The following NAV3 variants were observed in gnomAD, a reference collection of about 807,000 sequenced individuals.
NAV3 encodes pore membrane and/or filament interacting like protein 1.
In NAV3, 87 loss-of-function variants were observed where a neutral mutation model predicts 244.7. The ratio of observed to expected loss-of-function variants is 0.36; its 90% CI spans 0.30 to 0.42. The LOEUF (loss-of-function observed/expected upper bound fraction) is 0.42, where lower values mean the gene tolerates loss of function less well. NAV3 is among the 20% of genes least tolerant of loss of function. NAV3 has a pLI of 1.00. For synonymous variants in NAV3, 1,126 were observed against 1,042.2 expected, an observed-to-expected ratio of 1.08 and a Z score of -1.55; for missense variants, 2,663 against 2,893.3, an observed-to-expected ratio of 0.92 and a Z score of 1.83.
chr12:77,681,602 A>ATT (rs1413358959), intron 2 of NAV3, among the ~76,000 whole-genome samples: 1 of 152,162 alleles, frequency 6.6e-6, no homozygotes, highest in African/African-American at 2.4e-5. Context: ...CAGTGTTAAT[A>ATT]ATCAACTGTT....
intron 25 of NAV3, 101 bp from the exon 26 acceptor site, chr12:78,176,338 C>A (rs1159984258): frequency 5.2e-6 from 6 of 1,144,874 alleles, no homozygotes; most frequent in South Asian, 3.2e-5. Context: ...AAAGAAATAT[C>A]TTTTTATCTT....
chr12:77,601,867 T>G (rs975702883), intron 2 of NAV3, among the ~76,000 whole-genome samples: 2 of 152,016 alleles, frequency 1.3e-5, no homozygotes, highest in Non-Finnish European at 1.5e-5. Context: ...GAGAGCTTTT[T>G]CTCAGGTAGA....
chr12:77,767,105 G>A (rs1201235191), intron 2 of NAV3, among the ~76,000 whole-genome samples: 1 of 152,142 alleles, frequency 6.6e-6, no homozygotes, highest in African/African-American at 2.4e-5. Context: ...TGGAAAGTCA[G>A]AGAGTCAGAG....
upstream of NAV3, among the ~76,000 whole-genome samples, chr12:77,828,807 T>C (rs1255833749): frequency 1.3e-5 from 2 of 152,230 alleles, no homozygotes; most frequent in Non-Finnish European, 2.9e-5. Flanking sequence ...AGACATCTTA[T>C]TGAATGTGAA....
rs1955566206 is a variant in NAV3, at chr12:78,119,372, C to T, written c.3176C>T (p.Ser1059Leu). The change falls in exon 15 of 40, where the codon TCG (serine) becomes TTG (leucine). Residue 1059 changes from serine to leucine, a missense_variant. Coordinates refer to ENST00000397909, the MANE Select transcript of NAV3 (RefSeq NM_001024383.2). ...AAGCCCCCCTCAGGCATTGGAAGAT[C>T]GACTGCCACCAGCTCCTTTGGCTTT... ...GKKPPSGIGR[S>L]TATSSFGFKK... The T allele has an allele frequency of 1.2e-6, 2 of 1,614,138 alleles. No individual in the cohort carries two copies. Among genetic ancestry groups the T allele is most frequent in the Non-Finnish European group, 1.7e-6 (2 of 1,180,020 alleles).
chr12:77,921,063 C>T (rs113435566), intron 1 of NAV3, among the ~76,000 whole-genome samples: 1 of 152,000 alleles, frequency 6.6e-6, no homozygotes, highest in African/African-American at 2.4e-5. Flanking sequence ...GCTCATCTGC[C>T]AGTAGAGAAG....
Position 78,177,601 on chromosome 12 carries a change from T to C in NAV3, c.5298-19T>C, listed in dbSNP as rs1593918445. 1 of 1,592,320 alleles carries C rather than the reference T, an allele frequency of 6.3e-7. No individual in the cohort carries two copies. Among genetic ancestry groups the C allele is most frequent in the Non-Finnish European group, 8.5e-7 (1 of 1,174,870 alleles). On this transcript the variant is annotated intron_variant, in intron 27 of 39. Coordinates refer to ENST00000397909, the MANE Select transcript of NAV3 (RefSeq NM_001024383.2). ...ATGGGCATTTGTCCATGTATCTGTC[T>C]AACTGTATGTACATACAGGTCACCC...
intron 21 of NAV3, among the ~76,000 whole-genome samples, chr12:78,148,184 A>G (rs1280925228): frequency 6.6e-6 from 1 of 152,052 alleles, no homozygotes; most frequent in Non-Finnish European, 1.5e-5. Flanking sequence ...TAAGATGTGG[A>G]TAAGCTATAA....
At chr12:77,858,907 T>G (rs775044080) in intron 1 of NAV3, among the ~76,000 whole-genome samples, 2 of 152,066 alleles carry the variant, frequency 1.3e-5, no homozygotes, top group Non-Finnish European at 2.9e-5. Context: ...CCTTAAATAA[T>G]TCTGCTATGA....
At chr12:77,855,444 G>A (rs1245036545) in intron 1 of NAV3, among the ~76,000 whole-genome samples, 1 of 151,840 alleles carries the variant, frequency 6.6e-6, no homozygotes, top group Non-Finnish European at 1.5e-5. Flanking sequence ...ATCCCTAAAG[G>A]GTATCACAAT....
chr12:77,931,706 A>G (rs1199331481), intron 1 of NAV3, among the ~76,000 whole-genome samples: 1 of 152,068 alleles, frequency 6.6e-6, no homozygotes, highest in Non-Finnish European at 1.5e-5. Context: ...CTCTACTAAA[A>G]AATACAAAAA....
At chr12:78,087,912 T>G (rs192987162) in intron 12 of NAV3, among the ~76,000 whole-genome samples, 124 of 151,964 alleles carry the variant, frequency 8.2e-4, no homozygotes, top group African/African-American at 2.8e-3. Flanking sequence ...ACTATTATGT[T>G]TATTGCAAAA....
rs144406143 is a variant in NAV3, at chr12:78,080,783, A to T, written c.2636+21668A>T. Among the ~76,000 whole-genome samples the T allele has an allele frequency of 7.2e-3, 1,095 of 152,326 alleles. 14 individuals are homozygous for T. Among genetic ancestry groups the T allele is most frequent in the African/African-American group, 0.025 (1,034 of 41,568 alleles). ...GCTCTGTTTTGTGGAATAGAATAGT[A>T]TGTGTAGCCTTCCATGCAGAATTAA... is the stretch of plus-strand genomic sequence containing the variant. On this transcript the variant is annotated intron_variant, in intron 12 of 39. Transcript: ENST00000397909.
intron 39 of NAV3, among the ~76,000 whole-genome samples, chr12:78,209,064 A>C (rs1960628003): frequency 6.6e-6 from 1 of 152,176 alleles, no homozygotes; most frequent in Non-Finnish European, 1.5e-5. Context: ...ATCACCTACT[A>C]CTTTTATTTC....
intron 3 of NAV3, among the ~76,000 whole-genome samples, chr12:77,956,037 A>G (rs1007287702): frequency 3.3e-5 from 5 of 152,060 alleles, no homozygotes; most frequent in Non-Finnish European, 7.3e-5. Flanking sequence ...TGAACCAATA[A>G]TTGTTAAATG....
intron 22 of NAV3, among the ~76,000 whole-genome samples, chr12:78,155,194 C>T (rs966906855): frequency 2.0e-5 from 3 of 152,014 alleles, no homozygotes; most frequent in Admixed American, 6.6e-5. Flanking sequence ...CACTGACAGG[C>T]CCTAGTGTGT....
intron 3 of NAV3, among the ~76,000 whole-genome samples, chr12:77,957,561 G>A (rs929771102): frequency 6.6e-6 from 1 of 152,160 alleles, no homozygotes; most frequent in Non-Finnish European, 1.5e-5. Flanking sequence ...AAGGCTGGCT[G>A]TAATAAAACA....
intron 2 of NAV3, among the ~76,000 whole-genome samples, chr12:77,730,541 A>G (rs941129475): frequency 3.3e-5 from 5 of 151,898 alleles, no homozygotes; most frequent in Non-Finnish European, 7.4e-5. Context: ...TATATCCAAT[A>G]AATGTTTATT....
In NAV3 at chr12:78,021,772, G is replaced by A. The variant is rs372709335; in HGVS notation, c.1933G>A (p.Ala645Thr). 1.4e-4 allele frequency: 231 copies of A among 1,607,770 alleles called. No individual in the cohort carries two copies. In the Middle Eastern group the frequency reaches 2.1e-3, roughly 15 times the overall value. Residue 645 changes from alanine to threonine, a missense_variant, in exon 9 of 40, where the codon GCT (alanine) becomes ACT (threonine). Physicochemically the swap from Ala to Thr is moderately conservative, Grantham distance 58 (BLOSUM62 0). Around this residue, in one of 6 missense-constraint regions of NAV3, gnomAD observed 1,521 missense variants for 1,497.0 expected, o/e 1.02. Coordinates refer to ENST00000397909, the MANE Select transcript of NAV3 (RefSeq NM_001024383.2). ...YRAHSENEGTALPSADSCTSP... is the reference protein window; with the variant it reads ...YRAHSENEGTTLPSADSCTSP... The stretch of plus-strand genomic sequence containing the variant: ...GGCACATTCAGAAAATGAAGGTACC[G>A]CTTTACCATCGGCTGACTCCTGTAC...
Sources: allele counts gnomAD v4.1 joint callset (sites outside exome capture counted in the v4.1 genomes callset), GRCh38; gene constraint gnomAD v4.1.1; regional missense constraint gnomAD v4.1.1; transcripts MANE v1.5; gene names NCBI Gene and HGNC (gene_info 2026-07-23, HGNC 2026-07-21).